ELAPOR2: variants seen among roughly 807,000 people sequenced by gnomAD.
The protein encoded by ELAPOR2 is endosome/lysosome-associated apoptosis and autophagy regulator family member 2.
ELAPOR2 carries 89 observed loss-of-function variants against 120.7 expected under a neutral mutation model. The observed-to-expected ratio is 0.74, with a 90% CI of 0.62 to 0.88. The LOEUF (loss-of-function observed/expected upper bound fraction) is 0.88, where lower values mean the gene tolerates loss of function less well. Ranked by LOEUF, ELAPOR2 falls within the 40% of genes least tolerant of loss-of-function variation. ELAPOR2 has a pLI of 0.00. For missense variants in ELAPOR2, 1,134 were observed against 1,251.6 expected, an observed-to-expected ratio of 0.91 and a Z score of 1.42; for synonymous variants, 444 against 444.9, an observed-to-expected ratio of 1.00 and a Z score of 0.03.
intron 21 of ELAPOR2, among the ~76,000 whole-genome samples, chr7:86,881,604 C>T (rs1799407210): frequency 6.6e-6 from 1 of 152,102 alleles, no homozygotes; most frequent in South Asian, 2.1e-4. Flanking sequence ...GATCCGCCCA[C>T]CTCGGCCTCC....
chr7:86,950,856 T>A (rs1421753688), intron 2 of ELAPOR2, among the ~76,000 whole-genome samples: 1 of 152,146 alleles, frequency 6.6e-6, no homozygotes, highest in Non-Finnish European at 1.5e-5. Context: ...ACCCCAAGAA[T>A]CCTGTGACCA....
intron 1 of ELAPOR2, among the ~76,000 whole-genome samples, chr7:87,041,771 T>C (rs1202262805): frequency 3.3e-5 from 5 of 151,774 alleles, no homozygotes; most frequent in Non-Finnish European, 7.4e-5. Flanking sequence ...ATATTAACTT[T>C]AAACGTAAAT....
intron 1 of ELAPOR2, among the ~76,000 whole-genome samples, chr7:87,040,384 G>A (rs988825245): frequency 1.3e-5 from 2 of 152,202 alleles, no homozygotes; most frequent in African/African-American, 4.8e-5. Flanking sequence ...TGACAGCTTT[G>A]AAGAGAGCAG....
chr7:86,893,991 C>T (rs1169300773), intron 19 of ELAPOR2, among the ~76,000 whole-genome samples: 1 of 152,034 alleles, frequency 6.6e-6, no homozygotes, highest in Admixed American at 6.6e-5. Flanking sequence ...AATCTTTTAA[C>T]GTGTCTCATT....
chr7:87,027,072 T>C (rs559893570), intron 1 of ELAPOR2, among the ~76,000 whole-genome samples: 7 of 152,282 alleles, frequency 4.6e-5, no homozygotes, highest in Admixed American at 4.6e-4. Context: ...GGTCAGATGT[T>C]GGCCTTTATT....
At chr7:87,009,452 A>G (rs780080642) in intron 1 of ELAPOR2, among the ~76,000 whole-genome samples, 2 of 152,246 alleles carry the variant, frequency 1.3e-5, no homozygotes, top group African/African-American at 2.4e-5. Context: ...CCTTGGGAAT[A>G]GAGAGTAAGA....
chr7:86,930,285 T>G (rs1790270489), intron 8 of ELAPOR2, among the ~76,000 whole-genome samples: 2 of 151,940 alleles, frequency 1.3e-5, no homozygotes, highest in African/African-American at 4.8e-5. Context: ...AAAAAAAGTG[T>G]TAAAAACAGA....
intron 8 of ELAPOR2, 77 bp from the exon 9 acceptor site, chr7:86,926,993 A>T: frequency 1.5e-6 from 2 of 1,337,644 alleles, no homozygotes; most frequent in South Asian, 3.6e-5. Flanking sequence ...CTGGCAGTAT[A>T]GGAAAAGTAC....
rs1791279007 is a variant in ELAPOR2, at chr7:86,952,116, G to A, written c.311-4194C>T. Among the ~76,000 whole-genome samples, 4 of 152,196 alleles carry A rather than the reference G, an allele frequency of 2.6e-5. No individual in the cohort carries two copies. In the South Asian group the frequency reaches 8.3e-4, roughly 32 times the overall value. On this transcript the variant is annotated intron_variant, in intron 2 of 21. Transcript: ENST00000450689. ...ACCTTGTTCATTCATGTAGTTGGGT[G>A]ACTCAGATATCTCACCACTCTGCAT... is the stretch of plus-strand genomic sequence containing the variant.
chr7:87,047,541 A>C (rs1303834300), intron 1 of ELAPOR2, among the ~76,000 whole-genome samples: 1 of 152,232 alleles, frequency 6.6e-6, no homozygotes, highest in Non-Finnish European at 1.5e-5. Context: ...TATTTCTCAA[A>C]AGAAGACATG....
intron 1 of ELAPOR2, among the ~76,000 whole-genome samples, chr7:86,992,654 A>T (rs1792982290): frequency 6.6e-6 from 1 of 152,226 alleles, no homozygotes; most frequent in Admixed American, 6.5e-5. Context: ...AAAAAATAGG[A>T]AAAAGCAACT....
chr7:86,964,826 T>C (rs1352057579), intron 2 of ELAPOR2, 78 bp downstream of exon 2: 9 of 1,472,304 alleles, frequency 6.1e-6, no homozygotes, highest in Non-Finnish European at 8.3e-6. Context: ...CTACATTCAT[T>C]ATAATTAACA....
intron 1 of ELAPOR2, among the ~76,000 whole-genome samples, chr7:87,018,564 T>C (rs1231981767): frequency 2.0e-5 from 3 of 152,224 alleles, no homozygotes; most frequent in South Asian, 4.1e-4. Flanking sequence ...CAATTTCCTG[T>C]AGGTAAATGG....
rs189779674 is a variant in ELAPOR2, at chr7:87,034,525, A to G, written c.189+24800T>C. On this transcript the variant is annotated intron_variant, in intron 1 of 21. Coordinates refer to ENST00000450689, the MANE Select transcript of ELAPOR2 (RefSeq NM_001142749.3). ...AAAAAACCTCAAGTAAATGATCTTA[A>G]TATTTATCTGCTCTTTAGATAGGGA... Among the ~76,000 whole-genome samples, 13 of 152,216 alleles carry G rather than the reference A, an allele frequency of 8.5e-5. No homozygotes were observed. In the East Asian group the frequency reaches 2.5e-3, roughly 29 times the overall value.
At chr7:86,925,033 G>C (rs571332180) in intron 10 of ELAPOR2, among the ~76,000 whole-genome samples, 1 of 152,102 alleles carries the variant, frequency 6.6e-6, no homozygotes, top group East Asian at 1.9e-4. Context: ...ATCAACAACT[G>C]TTCTGTAGAA....
intron 1 of ELAPOR2, among the ~76,000 whole-genome samples, chr7:86,994,535 T>C (rs6957757): frequency 0.38 from 57,506 of 151,978 alleles, 11,722 homozygotes; most frequent in African/African-American, 0.53. Context: ...AATCCTTGTC[T>C]ATTGTCTAAA....
Position 86,958,564 on chromosome 7 carries a change from G to C in ELAPOR2, c.310+6340C>G, listed in dbSNP as rs867154604. 2.6e-5 allele frequency among the ~76,000 whole-genome samples: 4 copies of C among 152,298 alleles called. No homozygotes were observed. The South Asian group carries it at 8.3e-4, about 32-fold the overall frequency. On this transcript the variant is annotated intron_variant, in intron 2 of 21. Coordinates refer to ENST00000450689, the MANE Select transcript of ELAPOR2 (RefSeq NM_001142749.3). Reference sequence around the variant, plus strand: ...GAGCAGCCGGCCGATTGAGTTGCCAGAATCTCTGGCCCTTCCCACATCCTC... The same window carrying C: ...GAGCAGCCGGCCGATTGAGTTGCCACAATCTCTGGCCCTTCCCACATCCTC...
intron 18 of ELAPOR2, among the ~76,000 whole-genome samples, chr7:86,899,237 T>G (rs541501102): frequency 6.6e-6 from 1 of 152,278 alleles, no homozygotes; most frequent in Non-Finnish European, 1.5e-5. Context: ...ATGGCTGCTA[T>G]GGTGTACAGA....
chr7:87,007,017 T>C (rs1793504902), intron 1 of ELAPOR2, among the ~76,000 whole-genome samples: 1 of 152,104 alleles, frequency 6.6e-6, no homozygotes, highest in Admixed American at 6.5e-5. Context: ...AAAACTAAAC[T>C]GTGGTGAAAA....
Sources: allele counts gnomAD v4.1 joint callset (sites outside exome capture counted in the v4.1 genomes callset), GRCh38; gene constraint gnomAD v4.1.1; transcripts MANE v1.5; gene names NCBI Gene and HGNC (gene_info 2026-07-23, HGNC 2026-07-21).